Variants in XPR1 observed in about 807,000 individuals in gnomAD.
XPR1 encodes solute carrier family 53 member 1.
Under a neutral mutation model 87.5 loss-of-function variants are expected in XPR1, and 28 were observed. The ratio of observed to expected loss-of-function variants is 0.32; its 90% CI spans 0.24 to 0.44. The LOEUF (loss-of-function observed/expected upper bound fraction) is 0.44, where lower values mean the gene tolerates loss of function less well. Ranked by LOEUF, XPR1 falls within the 20% of genes least tolerant of loss-of-function variation. The pLI is 1.00. For missense variants in XPR1, 559 were observed against 862.3 expected, an observed-to-expected ratio of 0.65 and a Z score of 4.41; for synonymous variants, 300 against 306.1, an observed-to-expected ratio of 0.98 and a Z score of 0.21.
chr1:180,746,322 C>T (rs186870848), intron 2 of XPR1, among the ~76,000 whole-genome samples: 9 of 152,224 alleles, frequency 5.9e-5, no homozygotes, highest in Admixed American at 3.9e-4. Context: ...TTCTGTATGC[C>T]TTTGAGTACC....
At chr1:180,786,960 TTAAAG>T (rs945584686) in intron 2 of XPR1, among the ~76,000 whole-genome samples, 3 of 152,206 alleles carry the variant, frequency 2.0e-5, no homozygotes, top group African/African-American at 7.2e-5. Context: ...TGTGGTACAG[TTAAAG>T]TAAAAATAAA....
At chr1:180,673,668 C>T (rs80017793) in intron 1 of XPR1, among the ~76,000 whole-genome samples, 31,459 of 152,064 alleles carry the variant, frequency 0.21, 3,518 homozygotes, top group Middle Eastern at 0.28. Flanking sequence ...GAACTGTGCA[C>T]GCAAGGGATC....
At chr1:180,655,242 CTT>C (rs1366837054) in intron 1 of XPR1, among the ~76,000 whole-genome samples, 1 of 152,048 alleles carries the variant, frequency 6.6e-6, no homozygotes, top group East Asian at 1.9e-4. Flanking sequence ...CTGTTCAAGT[CTT>C]TTGTCCATTT....
chr1:180,670,175 A>T (rs980614234), intron 1 of XPR1, among the ~76,000 whole-genome samples: 1 of 152,074 alleles, frequency 6.6e-6, no homozygotes, highest in Non-Finnish European at 1.5e-5. Context: ...TGTATTTTTT[A>T]TCTGTTCTGC....
chr1:180,781,440 G>C (rs1648935612), intron 2 of XPR1, among the ~76,000 whole-genome samples: 1 of 151,874 alleles, frequency 6.6e-6, no homozygotes, highest in Non-Finnish European at 1.5e-5. Context: ...AATGGTTTTT[G>C]AGAAGATTGG....
intron 2 of XPR1, among the ~76,000 whole-genome samples, chr1:180,695,290 T>C (rs892542059): frequency 6.6e-6 from 1 of 152,228 alleles, no homozygotes; most frequent in African/African-American, 2.4e-5. Context: ...TTCTGGATAC[T>C]ATTTGCTTTT....
intron 2 of XPR1, among the ~76,000 whole-genome samples, chr1:180,764,490 A>T (rs1414247244): frequency 6.6e-6 from 1 of 150,722 alleles, no homozygotes; most frequent in Admixed American, 6.6e-5. Flanking sequence ...GTTTTTTGAG[A>T]TGGGGGTCTC....
rs752296450 is a variant in XPR1 at position 180,632,219 on chromosome 1, C to T, written c.18C>T (p.His6=). MKFAE[H]LSAHITPEWR... ...ACGGCAGGATGAAGTTCGCCGAGCA[C>T]CTCTCCGCGCACATCACTCCCGAGT... The change falls in exon 1 of 15, where the codon CAC becomes CAT. Residue 6 remains histidine, a synonymous_variant. Transcript: ENST00000367590. 1.9e-5 allele frequency: 31 copies of T among 1,610,936 alleles called. No homozygotes were observed. The highest frequency in any genetic ancestry group is 2.7e-5 in the African/African-American group (2 of 74,866).
intron 11 of XPR1, among the ~76,000 whole-genome samples, chr1:180,839,785 GT>G (rs1009868062): frequency 3.3e-5 from 5 of 152,290 alleles, no homozygotes; most frequent in African/African-American, 9.6e-5. Flanking sequence ...TTAGACAAAA[GT>G]AGGGGATTGG....
At chr1:180,693,894 A>G (rs1657077420) in intron 2 of XPR1, among the ~76,000 whole-genome samples, 1 of 152,182 alleles carries the variant, frequency 6.6e-6, no homozygotes, top group Admixed American at 6.6e-5. Flanking sequence ...TTTGATATAG[A>G]TATCTTTTTT....
intron 2 of XPR1, among the ~76,000 whole-genome samples, chr1:180,753,847 CT>C (rs1647624944): frequency 6.6e-6 from 1 of 152,164 alleles, no homozygotes; most frequent in Non-Finnish European, 1.5e-5. Context: ...TGCACTTTTA[CT>C]TTATTTTCAC....
chr1:180,757,649 T>A (rs1018217186), intron 2 of XPR1, among the ~76,000 whole-genome samples: 18 of 151,758 alleles, frequency 1.2e-4, no homozygotes, highest in African/African-American at 4.4e-4. Flanking sequence ...TTTGAGTAGG[T>A]AGGACTACAG....
At chr1:180,688,227 A>G (rs1308109693) in intron 2 of XPR1, among the ~76,000 whole-genome samples, 1 of 149,730 alleles carries the variant, frequency 6.7e-6, no homozygotes. Context: ...TAATTTTTGT[A>G]TTTTTAGTAG....
At chr1:180,858,460 T>G (rs1652107361) in intron 11 of XPR1, among the ~76,000 whole-genome samples, 1 of 152,250 alleles carries the variant, frequency 6.6e-6, no homozygotes, top group Non-Finnish European at 1.5e-5. Flanking sequence ...TTTTGTAATG[T>G]TACTTCATGG....
chr1:180,733,011 T>G (rs957254219), intron 2 of XPR1, among the ~76,000 whole-genome samples: 13 of 152,218 alleles, frequency 8.5e-5, no homozygotes, highest in East Asian at 1.9e-4. Flanking sequence ...TCGTTCTGCT[T>G]CTTCTTGTTG....
At chr1:180,793,440 A>G (rs1411909560) in intron 3 of XPR1, among the ~76,000 whole-genome samples, 1 of 152,062 alleles carries the variant, frequency 6.6e-6, no homozygotes, top group African/African-American at 2.4e-5. Flanking sequence ...ACATGTGTCT[A>G]GTATGCATGT....
At chr1:180,646,748 G>A (rs539995197) in intron 1 of XPR1, among the ~76,000 whole-genome samples, 3 of 152,248 alleles carry the variant, frequency 2.0e-5, no homozygotes, top group African/African-American at 4.8e-5. Flanking sequence ...AGACAAATGC[G>A]CAGTGCAGGA....
At chr1:180,715,185 A>G (rs1486727658) in intron 2 of XPR1, among the ~76,000 whole-genome samples, 1 of 152,230 alleles carries the variant, frequency 6.6e-6, no homozygotes, top group Non-Finnish European at 1.5e-5. Context: ...ATCTAATCTG[A>G]TGAAAATATT....
intron 1 of XPR1, among the ~76,000 whole-genome samples, chr1:180,636,406 T>A (rs1026579405): frequency 4.6e-5 from 7 of 152,256 alleles, no homozygotes; most frequent in Admixed American, 2.0e-4. Flanking sequence ...CATTTACAAA[T>A]GTTTCTTAAG....
Sources: gnomAD v4.1 joint callset for allele counts (sites outside exome capture counted in the v4.1 genomes callset) on GRCh38, gnomAD v4.1.1 for gene constraint, MANE v1.5 for transcripts, NCBI Gene and HGNC (gene_info 2026-07-23, HGNC 2026-07-21) for gene names.